The following SUB1 variants were observed in gnomAD, a reference collection of about 807,000 sequenced individuals.
SUB1 encodes SUB1 regulator of transcription.
SUB1 carries 1 observed loss-of-function variant against 16.9 expected under a neutral mutation model. The observed-to-expected ratio is 0.06, with a 90% CI of 0.02 to 0.28. The LOEUF (loss-of-function observed/expected upper bound fraction) is 0.28. Ranked by LOEUF, SUB1 falls within the 10% of genes least tolerant of loss-of-function variation. The pLI, the probability that SUB1 is intolerant of heterozygous loss-of-function variation, is 1.00. For missense variants in SUB1, 84 were observed against 145.2 expected, an observed-to-expected ratio of 0.58 and a Z score of 2.16; for synonymous variants, 51 against 46.9, an observed-to-expected ratio of 1.09 and a Z score of -0.36.
chr5:32,600,349 A>G (rs1257725775), intron 4 of SUB1, among the ~76,000 whole-genome samples: 1 of 152,274 alleles, frequency 6.6e-6, no homozygotes, highest in Non-Finnish European at 1.5e-5. Context: ...TATTGGAACC[A>G]GCTGGAAATA....
At chr5:32,598,079 TA>T (rs1452731743) in intron 3 of SUB1, 2 of 151,214 alleles carry the variant, frequency 1.3e-5, no homozygotes, top group African/African-American at 4.9e-5. Context: ...TTTTTATTTT[TA>T]TTTTTTTGCA....
At chr5:32,591,349 T>G in intron 2 of SUB1, 1 of 524,058 alleles carries the variant, frequency 1.9e-6, no homozygotes, top group Non-Finnish European at 2.9e-6. Flanking sequence ...AAGTGTCTTT[T>G]GGGATCCTGA....
At chr5:32,587,526 C>T (rs568128965) in intron 1 of SUB1, among the ~76,000 whole-genome samples, 2 of 152,196 alleles carry the variant, frequency 1.3e-5, no homozygotes, top group African/African-American at 4.8e-5. Flanking sequence ...TTTTGCACCT[C>T]CCATAAATAG....
intron 1 of SUB1, among the ~76,000 whole-genome samples, chr5:32,587,533 A>G (rs1738703460): frequency 6.6e-6 from 1 of 152,168 alleles, no homozygotes; most frequent in African/African-American, 2.4e-5. Context: ...CCTCCCATAA[A>G]TAGGTTCTTC....
rs1448780772 is a variant in SUB1, at chr5:32,601,291, C to T, written c.*207C>T. The T allele has an allele frequency of 5.3e-5, 27 of 506,016 alleles. No homozygotes were observed. The highest frequency in any genetic ancestry group is 3.0e-4 in the Admixed American group (8 of 26,808). The allele number at this position is 506,016 out of a possible 1,614,324, so 31.3% of individuals were successfully genotyped here. A position where few individuals can be genotyped will look rare whatever the true frequency, so the allele number is the denominator to read the frequency against. On this transcript the variant is annotated 3_prime_UTR_variant, in exon 5 of 5. Transcript: ENST00000265073. Reference sequence around the variant, plus strand: ...ACTTTATTAAGGATTACTTTGTCTGCCCACCACCTAGTGTAAAATAAAATC... The same window carrying T: ...ACTTTATTAAGGATTACTTTGTCTGTCCACCACCTAGTGTAAAATAAAATC...
intron 2 of SUB1, among the ~76,000 whole-genome samples, chr5:32,590,447 A>T: frequency 6.6e-6 from 1 of 151,116 alleles, no homozygotes; most frequent in East Asian, 1.9e-4. Context: ...TTTTAAAACA[A>T]CGTTGTGATT....
rs553903878 is a variant in SUB1, at chr5:32,590,815, T to G, written c.73-748T>G. On this transcript the variant is annotated intron_variant, in intron 2 of 4. Coordinates refer to ENST00000265073, the MANE Select transcript of SUB1 (RefSeq NM_006713.4). Reference sequence around the variant, plus strand: ...TGGAGTATCGCTCTGTTGCCCAGGCTGGAGTGCAATGGCACGATCTCGGCT... The same window carrying G: ...TGGAGTATCGCTCTGTTGCCCAGGCGGGAGTGCAATGGCACGATCTCGGCT... Among the ~76,000 whole-genome samples the G allele has an allele frequency of 6.1e-3, 820 of 133,636 alleles. 8 individuals carry two copies. Among genetic ancestry groups the G allele is most frequent in the South Asian group, 0.017 (65 of 3,902 alleles). The allele number at this position is 133,636 out of a possible 152,430, so 87.7% of individuals were successfully genotyped here. A position where few individuals can be genotyped will look rare whatever the true frequency, so the allele number is the denominator to read the frequency against.
At chr5:32,600,560 G>GT (rs1188653111) in intron 4 of SUB1, among the ~76,000 whole-genome samples, 2 of 152,042 alleles carry the variant, frequency 1.3e-5, no homozygotes, top group East Asian at 3.9e-4. Flanking sequence ...ATTAACAAAT[G>GT]TAAGAGATAT....
At chr5:32,600,473 G>A (rs1447502244) in intron 4 of SUB1, among the ~76,000 whole-genome samples, 1 of 152,194 alleles carries the variant, frequency 6.6e-6, no homozygotes, top group African/African-American at 2.4e-5. Flanking sequence ...GTTACAATAG[G>A]TACTATGCAG....
chr5:32,599,910 G>C lies in SUB1; in HGVS notation c.304+841G>C, dbSNP rs140537351. ...TTTACTTCTCTGTTTATATGCGTCG[G>C]TATTGGAATGCTAGAACGTTAAAGT... On this transcript the variant is annotated intron_variant, in intron 4 of 4. Transcript: ENST00000265073. 8.5e-4 allele frequency among the ~76,000 whole-genome samples: 130 copies of C among 152,150 alleles called. 1 individual carries two copies. The highest frequency in any genetic ancestry group is 3.1e-3 in the African/African-American group (128 of 41,510).
intron 1 of SUB1, among the ~76,000 whole-genome samples, chr5:32,588,040 A>C (rs550991381): frequency 6.6e-6 from 1 of 152,368 alleles, no homozygotes; most frequent in South Asian, 2.1e-4. Context: ...TAGTACAGCT[A>C]GTTCCCTGTT....
At chr5:32,596,148 G>A (rs1738957314) in intron 3 of SUB1, 1 of 152,134 alleles carries the variant, frequency 6.6e-6, no homozygotes, top group African/African-American at 2.4e-5. Flanking sequence ...GAATCAAACA[G>A]ACAGAATAAG....
In SUB1 at chr5:32,603,711, A is replaced by G. The variant is rs1739171292; in HGVS notation, c.*2627A>G. ...CTTGGGTGAAAAATGAAATAAGTAT[A>G]TTCTGACTTGGCTATTGAGGGGAAA... On this transcript the variant is annotated 3_prime_UTR_variant, in exon 5 of 5. Transcript: ENST00000265073. The G allele has an allele frequency of 6.6e-6, 1 of 152,220 alleles. No homozygotes were observed. Among genetic ancestry groups the G allele is most frequent in the South Asian group, 2.1e-4 (1 of 4,834 alleles). The allele number at this position is 152,220 out of a possible 1,614,324, so 9.4% of individuals were successfully genotyped here.
chr5:32,590,297 T>A (rs1372453438), intron 2 of SUB1, among the ~76,000 whole-genome samples: 1 of 152,122 alleles, frequency 6.6e-6, no homozygotes, highest in Admixed American at 6.5e-5. Context: ...ATTAATTTAG[T>A]AACATTAAAA....
chr5:32,594,580 A>G (rs1267948052), intron 3 of SUB1: 4 of 454,594 alleles, frequency 8.8e-6, no homozygotes, highest in East Asian at 1.4e-4. Context: ...GGAATTATTC[A>G]TAACCTTTAT....
intron 1 of SUB1, among the ~76,000 whole-genome samples, chr5:32,587,107 T>C (rs1416048605): frequency 2.0e-5 from 3 of 152,244 alleles, no homozygotes; most frequent in Non-Finnish European, 4.4e-5. Context: ...TTATGCCTAG[T>C]GTTCCATTAT....
rs1356974925 is a variant in SUB1 at position 32,603,970 on chromosome 5, A to G, written c.*2886A>G. On this transcript the variant is annotated 3_prime_UTR_variant, in exon 5 of 5. Transcript: ENST00000265073. ...CATAATCACAAATATGTAATTCTGT[A>G]ATTGTGGAATGCTTGTATGCTTTGT... is the stretch of plus-strand genomic sequence containing the variant. 2 of 152,046 alleles carry G rather than the reference A, an allele frequency of 1.3e-5. No individual in the cohort carries two copies. Among genetic ancestry groups the G allele is most frequent in the Admixed American group, 6.6e-5 (1 of 15,260 alleles). The allele number at this position is 152,046 out of a possible 1,614,324, so 9.4% of individuals were successfully genotyped here. A position where few individuals can be genotyped will look rare whatever the true frequency, so the allele number is the denominator to read the frequency against.
intron 2 of SUB1, 78 bp from the exon 3 acceptor site, chr5:32,591,485 T>A (rs73754676): frequency 1.4e-6 from 2 of 1,465,500 alleles, no homozygotes; most frequent in East Asian, 2.4e-5. Flanking sequence ...GTTTAAATCT[T>A]AAAAAGTAAT....
intron 3 of SUB1, chr5:32,595,441 T>A (rs1307065173): frequency 1.3e-5 from 2 of 152,246 alleles, no homozygotes; most frequent in Non-Finnish European, 1.5e-5. Flanking sequence ...CAGTCTATTT[T>A]TTGTGTCTGG....
Sources: allele counts gnomAD v4.1 joint callset (sites outside exome capture counted in the v4.1 genomes callset), GRCh38; gene constraint gnomAD v4.1.1; transcripts MANE v1.5; gene names NCBI Gene and HGNC (gene_info 2026-07-23, HGNC 2026-07-21).